Variants in DPPA3 observed in about 807,000 individuals in gnomAD.
The protein encoded by DPPA3 is developmental pluripotency associated 3, also known as developmental pluripotency-associated protein 3.
DPPA3 carries 9 observed loss-of-function variants against 15.6 expected under a neutral mutation model. The ratio of observed to expected loss-of-function variants is 0.58; its 90% CI spans 0.35 to 1.01. The LOEUF (loss-of-function observed/expected upper bound fraction) is 1.01, where lower values mean the gene tolerates loss of function less well. DPPA3 is among the 50% of genes least tolerant of loss of function. The pLI is 0.02. For missense variants in DPPA3, 148 were observed against 194.6 expected (o/e 0.76, Z 1.42); for synonymous variants, 61 against 70.9 (o/e 0.86, Z 0.70).
rs746807997 is a variant in DPPA3, at chr12:7,711,433, G to A, written c.-138G>A. The A allele has an allele frequency of 6.1e-5, 39 of 644,180 alleles. No individual in the cohort carries two copies. Among genetic ancestry groups the A allele is most frequent in the East Asian group, 5.7e-4 (19 of 33,166 alleles). The allele number at this position is 644,180 out of a possible 1,614,324, so 39.9% of individuals were successfully genotyped here. The stretch of plus-strand genomic sequence containing the variant: ...AAAGGAAGCCGGACCTATAGTTTAC[G>A]TCAGTTCTTTGACCATTCGTTGGAG... On this transcript the variant is annotated 5_prime_UTR_variant, in exon 1 of 4. Transcript: ENST00000345088.
At position 7,711,720 on chromosome 12, in the gene DPPA3, C is replaced by CTTTTTTTTTTTTTTTTTTTTTT. The variant is rs3069565; in HGVS notation, c.82+76_82+97dup. The stretch of plus-strand genomic sequence containing the variant: ...GGTTGGGAGGTCAAAAGGCTGCCGT[C>CTTTTTTTTTTTTTTTTTTTTTT]TTTTTTTTTTTTTTTTTTTTTTTTT... On this transcript the variant is annotated intron_variant, in intron 1 of 3. Transcript: ENST00000345088. 4 of 321,022 alleles carry CTTTTTTTTTTTTTTTTTTTTTT rather than the reference C, an allele frequency of 1.2e-5. 1 individual carries two copies. The African/African-American group carries it at 1.3e-4, about 11-fold the overall frequency. The allele number at this position is 321,022 out of a possible 1,614,324, so 19.9% of individuals were successfully genotyped here.
At chr12:7,716,854 T>C (rs1426197113) in intron 3 of DPPA3, 113 bp from the exon 4 acceptor site, 1 of 980,248 alleles carries the variant, frequency 1.0e-6, no homozygotes, top group Non-Finnish European at 1.6e-6. Context: ...TCCTTTTTTG[T>C]GTGTGTTCCC....
chr12:7,711,661 G>A lies in DPPA3; in HGVS notation c.82+9G>A. Reference sequence around the variant, plus strand: ...TTCCCGGGACGATTCAGGTAAGCCAGATAATGCCCTTCTTGACTATCTGAC... The same window carrying A: ...TTCCCGGGACGATTCAGGTAAGCCAAATAATGCCCTTCTTGACTATCTGAC... On this transcript the variant is annotated intron_variant, in intron 1 of 3. Transcript: ENST00000345088. The A allele has an allele frequency of 6.6e-7, 1 of 1,519,370 alleles. No homozygotes were observed. The highest frequency in any genetic ancestry group is 8.9e-7 in the Non-Finnish European group (1 of 1,123,194). The allele number at this position is 1,519,370 out of a possible 1,614,324, so 94.1% of individuals were successfully genotyped here.
intron 1 of DPPA3, among the ~76,000 whole-genome samples, chr12:7,714,691 AGTTTTATTTCT>A (rs1311178937): frequency 6.7e-6 from 1 of 149,054 alleles, no homozygotes; most frequent in Non-Finnish European, 1.5e-5. Flanking sequence ...CTAATTTTGT[AGTTTTATTTCT>A]ATTTTTATTT....
At position 7,717,482 on chromosome 12, in the gene DPPA3, TTTG is replaced by T. The variant is rs1204791326; in HGVS notation, c.*408_*410del. On this transcript the variant is annotated 3_prime_UTR_variant, in exon 4 of 4. Coordinates refer to ENST00000345088, the MANE Select transcript of DPPA3 (RefSeq NM_199286.4). Reference sequence around the variant, plus strand: ...AATTTGGATTGCAATCACAGCAAACTTTGTTATTTTTACAGTTTTCAGTACAAA... The same window carrying T: ...AATTTGGATTGCAATCACAGCAAACTTTATTTTTACAGTTTTCAGTACAAA... The T allele has an allele frequency of 1.3e-5, 2 of 157,476 alleles. No homozygotes were observed. Among genetic ancestry groups the T allele is most frequent in the Non-Finnish European group, 2.8e-5 (2 of 71,842 alleles). The allele number at this position is 157,476 out of a possible 1,614,324, so 9.8% of individuals were successfully genotyped here. A position where few individuals can be genotyped will look rare whatever the true frequency, so the allele number is the denominator to read the frequency against.
intron 1 of DPPA3, 68 bp downstream of exon 1, chr12:7,711,720 C>A: frequency 1.8e-4 from 61 of 336,362 alleles, no homozygotes; most frequent in Non-Finnish European, 2.3e-4. Flanking sequence ...AGGCTGCCGT[C>A]TTTTTTTTTT....
rs764713061 is a variant in DPPA3 at position 7,711,616 on chromosome 12, C to CT, written c.46_47insT (p.Gln16LeufsTer27). On this transcript the variant is annotated frameshift_variant, in exon 1 of 4. Transcript: ENST00000345088. LOFTEE classifies it high-confidence loss of function. ...TCCAACCTACATCCCAGGGTCTCCA[C>CT]AAATGCTCACCGAAGAAAATTCCCG... is the stretch of plus-strand genomic sequence containing the variant. The CT allele has an allele frequency of 2.5e-6, 4 of 1,611,688 alleles. No homozygotes were observed. In the South Asian group the frequency reaches 4.4e-5, roughly 18 times the overall value.
intron 1 of DPPA3, among the ~76,000 whole-genome samples, chr12:7,712,421 A>G (rs1445988486): frequency 6.6e-6 from 1 of 151,966 alleles, no homozygotes; most frequent in Non-Finnish European, 1.5e-5. Flanking sequence ...TTGAACCTAA[A>G]GTTTTTCTTA....
intron 1 of DPPA3, among the ~76,000 whole-genome samples, chr12:7,713,561 G>T (rs1026481496): frequency 2.0e-5 from 3 of 152,124 alleles, no homozygotes; most frequent in Admixed American, 1.3e-4. Flanking sequence ...TGAGATATGC[G>T]TATGTATGGG....
chr12:7,713,455 C>G (rs192659182), intron 1 of DPPA3, among the ~76,000 whole-genome samples: 9 of 152,270 alleles, frequency 5.9e-5, no homozygotes, highest in Non-Finnish European at 1.2e-4. Context: ...GAATCGATCT[C>G]GAACTTTGAT....
intron 1 of DPPA3, among the ~76,000 whole-genome samples, chr12:7,712,869 C>G (rs1176456599): frequency 1.3e-5 from 2 of 152,250 alleles, no homozygotes; most frequent in South Asian, 2.1e-4. Context: ...CCACCGAGTC[C>G]GGGCTCTAAG....
intron 1 of DPPA3, among the ~76,000 whole-genome samples, chr12:7,714,409 T>C (rs181014789): frequency 5.4e-5 from 8 of 149,032 alleles, no homozygotes; most frequent in Admixed American, 5.3e-4. Flanking sequence ...TTGTGATTGG[T>C]TGGAAAAAAT....
chr12:7,712,318 A>C, intron 1 of DPPA3, among the ~76,000 whole-genome samples: 1 of 151,892 alleles, frequency 6.6e-6, no homozygotes, highest in Non-Finnish European at 1.5e-5. Context: ...CAGCAAATAC[A>C]TGTCAGGAAC....
intron 1 of DPPA3, among the ~76,000 whole-genome samples, chr12:7,713,102 C>T (rs1031664263): frequency 6.6e-6 from 1 of 152,196 alleles, no homozygotes; most frequent in African/African-American, 2.4e-5. Flanking sequence ...CACCCAAGCG[C>T]GGGCTTGGCC....
intron 2 of DPPA3, among the ~76,000 whole-genome samples, chr12:7,715,981 TG>T (rs1428925216): frequency 6.6e-6 from 1 of 151,888 alleles, no homozygotes; most frequent in Admixed American, 6.6e-5. Context: ...TCCCAGCTGC[TG>T]TGGGGTGGGT....
At chr12:7,711,739 TTTTTTTTTTTA>T in intron 1 of DPPA3, 87 bp downstream of exon 1, 1 of 800,242 alleles carries the variant, frequency 1.2e-6, no homozygotes. Context: ...TTTTTTTTTT[TTTTTTTTTTTA>T]ATGTTGACTT....
rs1461429965 is a variant in DPPA3, at chr12:7,716,957, T to C, written c.370-10T>C. The C allele has an allele frequency of 1.9e-6, 3 of 1,606,954 alleles. No homozygotes were observed. In the South Asian group the frequency reaches 3.3e-5, roughly 18 times the overall value. ...TATTCCAATTAATCCATTTCATCAT[T>C]TTTTTTCAGAAGGAATCAAGACCAT... On this transcript the variant is annotated splice_polypyrimidine_tract_variant and intron_variant, in intron 3 of 3. Transcript: ENST00000345088.
At position 7,711,491 on chromosome 12, in the gene DPPA3, G is replaced by T; in HGVS notation, c.-80G>T. On this transcript the variant is annotated 5_prime_UTR_variant, in exon 1 of 4. Coordinates refer to ENST00000345088, the MANE Select transcript of DPPA3 (RefSeq NM_199286.4). ...TTTCAGCCTCTTTCCGGGCTACCTG[G>T]TAGCAATTTGAGGCTCTGTCATCAG... is the stretch of plus-strand genomic sequence containing the variant. 1 of 1,358,368 alleles carries T rather than the reference G, an allele frequency of 7.4e-7. No individual in the cohort carries two copies. Among genetic ancestry groups the T allele is most frequent in the East Asian group, 2.6e-5 (1 of 38,710 alleles). The allele number at this position is 1,358,368 out of a possible 1,614,324, so 84.1% of individuals were successfully genotyped here.
chr12:7,715,099 G>A, intron 1 of DPPA3, 84 bp from the exon 2 acceptor site: 1 of 1,590,416 alleles, frequency 6.3e-7, no homozygotes, highest in South Asian at 1.1e-5. Flanking sequence ...ACAGCGCCCT[G>A]TTCCCCTGCT....
Sources: allele counts gnomAD v4.1 joint callset (sites outside exome capture counted in the v4.1 genomes callset), GRCh38; gene constraint gnomAD v4.1.1; transcripts MANE v1.5; gene names NCBI Gene and HGNC (gene_info 2026-07-23, HGNC 2026-07-21).